The following HSP90AA1 variants were observed in gnomAD, a reference collection of about 807,000 sequenced individuals.
HSP90AA1 encodes the protein heat shock protein HSP 90-alpha.
HSP90AA1 carries 18 observed loss-of-function variants against 73.3 expected under a neutral mutation model. The observed-to-expected ratio is 0.25, with a 90% CI of 0.17 to 0.36. The LOEUF is 0.36. Among genes scored for constraint, HSP90AA1 ranks in the 10% least tolerant of loss-of-function variants. The pLI, the probability that HSP90AA1 is intolerant of heterozygous loss-of-function variation, is 1.00. For synonymous variants in HSP90AA1, 477 were observed against 296.9 expected (o/e 1.61, Z -6.24); for missense variants, 704 against 874.2 (o/e 0.81, Z 2.45).
rs36090727 is a variant in HSP90AA1, at chr14:102,083,376, C to A, written c.1487-74G>T. On this transcript the variant is annotated intron_variant, in intron 8 of 10. Coordinates refer to ENST00000216281, the MANE Select transcript of HSP90AA1 (RefSeq NM_005348.4). ...TTTCATCTAGCTCTGACTTTTCTTG[C>A]TAGCCAGATACCTAGGCAGAACCTA... 134 of 1,543,782 alleles carry A rather than the reference C, an allele frequency of 8.7e-5. No homozygotes were observed. The African/African-American group carries it at 1.6e-3, about 19-fold the overall frequency.
At chr14:102,081,982 A>G (rs1316228641) in intron 10 of HSP90AA1, 129 bp downstream of exon 10, 1 of 791,764 alleles carries the variant, frequency 1.3e-6, no homozygotes, top group South Asian at 1.4e-5. Context: ...CCTAAAAAAA[A>G]CATACTTTAA....
At chr14:102,117,886 T>A (rs1427129103) in intron 1 of HSP90AA1, among the ~76,000 whole-genome samples, 4 of 152,168 alleles carry the variant, frequency 2.6e-5, no homozygotes, top group African/African-American at 7.2e-5. Context: ...CTGCAGTTCC[T>A]GGTGTCTCCA....
chr14:102,082,132 T>C lies in HSP90AA1; in HGVS notation c.2068A>G (p.Arg690Gly). 1.2e-6 allele frequency: 2 copies of C among 1,612,734 alleles called. No homozygotes were observed. Among genetic ancestry groups the C allele is most frequent in the Non-Finnish European group, 1.7e-6 (2 of 1,178,726 alleles). Reference sequence around the variant, plus strand: ...TTACCCAGACCAAGTTTGATCATCCTGTAGATCCTGTTAGCATGTGTCTGG... The same window carrying C: ...TTACCCAGACCAAGTTTGATCATCCCGTAGATCCTGTTAGCATGTGTCTGG... ...DPQTHANRIY[R>G]MIKLGLGIDE... Residue 690 changes from arginine (R) to glycine (G), a missense_variant, in exon 10 of 11, where the codon AGG becomes GGG. By Grantham distance (125) the Arg-to-Gly change is moderately radical. Transcript: ENST00000216281.
chr14:102,113,317 C>A (rs2049665154), intron 1 of HSP90AA1, among the ~76,000 whole-genome samples: 1 of 151,834 alleles, frequency 6.6e-6, no homozygotes, highest in South Asian at 2.1e-4. Context: ...AGCCACCGCG[C>A]CCGGCTTGCT....
chr14:102,132,190 A>G (rs1343836056), intron 1 of HSP90AA1, among the ~76,000 whole-genome samples: 3 of 152,110 alleles, frequency 2.0e-5, no homozygotes, highest in Non-Finnish European at 4.4e-5. Flanking sequence ...AACATGGTGA[A>G]ACCCCATCTC....
intron 9 of HSP90AA1, chr14:102,082,689 T>G (rs2049126687): frequency 3.7e-6 from 2 of 538,756 alleles, no homozygotes; most frequent in Admixed American, 6.3e-5. Flanking sequence ...GGTGCGATCT[T>G]GGCTCACTGC....
chr14:102,109,242 T>C (rs1320296273), intron 1 of HSP90AA1, among the ~76,000 whole-genome samples: 2 of 152,174 alleles, frequency 1.3e-5, no homozygotes, highest in Non-Finnish European at 2.9e-5. Context: ...CTATGTCCAC[T>C]CAGCATTAGG....
rs902832207 is a variant in HSP90AA1, at chr14:102,083,102, C to T, written c.1687G>A (p.Glu563Lys). The change falls in exon 9 of 11, where the codon GAG becomes AAG. Residue 563 changes from glutamate (E) to lysine (K), a missense_variant. Coordinates refer to ENST00000216281, the MANE Select transcript of HSP90AA1 (RefSeq NM_005348.4). ...EDEEEKKKQE[E>K]KKTKFENLCK... ...AGGTTCTCAAACTTTGTTTTTTTCT[C>T]TTCCTGCTTCTTTTTCTCTTCTTCA... 2.5e-6 allele frequency: 4 copies of T among 1,613,630 alleles called. No individual in the cohort carries two copies. The highest frequency in any genetic ancestry group is 1.7e-5 in the Admixed American group (1 of 59,966).
intron 9 of HSP90AA1, 96 bp from the exon 10 acceptor site, chr14:102,082,540 C>G: frequency 1.2e-6 from 1 of 864,426 alleles, no homozygotes; most frequent in South Asian, 1.4e-5. Flanking sequence ...TCAATAGATC[C>G]AAAATACTAT....
chr14:102,085,182 A>G, intron 4 of HSP90AA1, 116 bp downstream of exon 4: 1 of 1,420,568 alleles, frequency 7.0e-7, no homozygotes. Context: ...TAGGTAGTAG[A>G]GCTTAGGTTC....
chr14:102,088,215 T>C (rs4906178), upstream of HSP90AA1, among the ~76,000 whole-genome samples: 121,429 of 152,092 alleles, frequency 0.8, 49,974 homozygotes, highest in Non-Finnish European at 0.9. Context: ...TTTCGGATAT[T>C]TTGGCCAAGG....
At chr14:102,118,346 G>A (rs2049732744) in intron 1 of HSP90AA1, among the ~76,000 whole-genome samples, 1 of 151,880 alleles carries the variant, frequency 6.6e-6, no homozygotes, top group South Asian at 2.1e-4. Context: ...CAAATTTTGT[G>A]TCATATTAGA....
At chr14:102,106,522 C>T (rs949305973) in intron 1 of HSP90AA1, among the ~76,000 whole-genome samples, 3 of 148,430 alleles carry the variant, frequency 2.0e-5, no homozygotes, top group East Asian at 4.0e-4. Flanking sequence ...CCCGCCTGAG[C>T]TCCCTGTTGA....
At chr14:102,109,774 CAGA>C (rs2049614741) in intron 1 of HSP90AA1, among the ~76,000 whole-genome samples, 1 of 152,102 alleles carries the variant, frequency 6.6e-6, no homozygotes, top group East Asian at 1.9e-4. Flanking sequence ...TTGGAGGGCT[CAGA>C]AGAAGACAGG....
Position 102,084,307 on chromosome 14 carries a change from A to C in HSP90AA1, c.1147+92T>G, listed in dbSNP as rs933297877. 3.2e-6 allele frequency: 4 copies of C among 1,241,038 alleles called. No homozygotes were observed. In the Admixed American group the frequency reaches 5.5e-5, roughly 17 times the overall value. 76.9% of individuals were successfully genotyped at this position (1,241,038 alleles called of 1,614,324 possible). On this transcript the variant is annotated intron_variant, in intron 6 of 10. Coordinates refer to ENST00000216281, the MANE Select transcript of HSP90AA1 (RefSeq NM_005348.4). Reference sequence around the variant, plus strand: ...GTGATCTGCCCACCCCGGCCTCCCAAAGTGCTAGGATTATAGGTGTGAGCC... The same window carrying C: ...GTGATCTGCCCACCCCGGCCTCCCACAGTGCTAGGATTATAGGTGTGAGCC...
At chr14:102,084,168 G>C (rs1343673092) in intron 6 of HSP90AA1, 185 bp from the exon 7 acceptor site, 1 of 687,224 alleles carries the variant, frequency 1.5e-6, no homozygotes, top group East Asian at 2.7e-5. Flanking sequence ...CTCCCGGGGG[G>C]GTTCAAGCTG....
At chr14:102,108,066 A>C (rs768471412) in intron 1 of HSP90AA1, among the ~76,000 whole-genome samples, 5 of 151,466 alleles carry the variant, frequency 3.3e-5, no homozygotes, top group Non-Finnish European at 5.9e-5. Context: ...TTTTGAGACC[A>C]ACCTGGGCAA....
intron 1 of HSP90AA1, among the ~76,000 whole-genome samples, chr14:102,137,335 T>G (rs2050014876): frequency 6.6e-6 from 1 of 151,880 alleles, no homozygotes; most frequent in East Asian, 1.9e-4. Context: ...ATTTATTTAT[T>G]TATTTCCTGA....
intron 6 of HSP90AA1, 32 bp from the exon 7 acceptor site, chr14:102,084,015 C>T: frequency 2.0e-6 from 3 of 1,525,904 alleles, no homozygotes. Flanking sequence ...TGCACTGAGT[C>T]ATTCCAAGGA....
Sources: gnomAD v4.1 joint callset for allele counts (sites outside exome capture counted in the v4.1 genomes callset) on GRCh38, gnomAD v4.1.1 for gene constraint, MANE v1.5 for transcripts, NCBI Gene and HGNC (gene_info 2026-07-23, HGNC 2026-07-21) for gene names.